Variants in TBC1D1 observed in about 807,000 individuals in gnomAD.
TBC1D1 encodes the protein TBC1 (tre-2/USP6, BUB2, cdc16) domain family, member 1.
TBC1D1 carries 89 observed loss-of-function variants against 125.6 expected under a neutral mutation model. That is an observed-to-expected ratio of 0.71 (90% CI 0.60 to 0.85). The LOEUF (loss-of-function observed/expected upper bound fraction) is 0.85, where lower values mean the gene tolerates loss of function less well. Among genes scored for constraint, TBC1D1 ranks in the 40% least tolerant of loss-of-function variants. The pLI, the probability that TBC1D1 is intolerant of heterozygous loss-of-function variation, is 0.00. For missense variants in TBC1D1, 1,377 were observed against 1,469.2 expected, an observed-to-expected ratio of 0.94 and a Z score of 1.03; for synonymous variants, 565 against 564.1, an observed-to-expected ratio of 1.00 and a Z score of -0.02.
rs373075493 is a variant in TBC1D1 at position 38,102,895 on chromosome 4, A to AG, written c.2399-102dup. The AG allele has an allele frequency of 8.3e-6, 11 of 1,317,762 alleles. No individual in the cohort carries two copies. In the African/African-American group the frequency reaches 1.2e-4, roughly 14 times the overall value. 81.6% of individuals were successfully genotyped at this position (1,317,762 alleles called of 1,614,324 possible). Reference sequence around the variant, plus strand: ...GACTCTGTCTCAAAAAAAAAAAAAAAGGAACAAGAATTTGGATAAATGGAA... The same window carrying AG: ...GACTCTGTCTCAAAAAAAAAAAAAAAGGGAACAAGAATTTGGATAAATGGAA... On this transcript the variant is annotated intron_variant, in intron 14 of 19. Transcript: ENST00000261439.
chr4:38,023,749 T>C (rs1205151965), intron 6 of TBC1D1, among the ~76,000 whole-genome samples: 1 of 152,258 alleles, frequency 6.6e-6, no homozygotes, highest in Non-Finnish European at 1.5e-5. Flanking sequence ...CCCTTTTGAC[T>C]GTTGTACTAA....
chr4:37,933,610 A>G (rs1180013579), intron 2 of TBC1D1, among the ~76,000 whole-genome samples: 1 of 152,246 alleles, frequency 6.6e-6, no homozygotes. Context: ...AATAGGTAAT[A>G]TATGTTAAGT....
chr4:38,135,702 C>T (rs186819530), intron 19 of TBC1D1, among the ~76,000 whole-genome samples: 1 of 152,306 alleles, frequency 6.6e-6, no homozygotes, highest in African/African-American at 2.4e-5. Context: ...GCCCAGTAGG[C>T]TGACAAACTA....
chr4:38,051,500 G>T (rs566919546), intron 11 of TBC1D1, among the ~76,000 whole-genome samples: 14 of 152,086 alleles, frequency 9.2e-5, no homozygotes, highest in Non-Finnish European at 1.8e-4. Context: ...GTTCCTGGGC[G>T]AAGTGGCTCA....
At position 38,072,194 on chromosome 4, in the gene TBC1D1, T is replaced by TAG. The variant is rs951054515; in HGVS notation, c.2051-17724_2051-17723dup. ...AAGCCCTCAGAAAACTATGTACACC[T>TAG]AGAGAGAGAGAGAGACACACGTCTG... On this transcript the variant is annotated intron_variant, in intron 12 of 19. Transcript: ENST00000261439. Among the ~76,000 whole-genome samples the TAG allele has an allele frequency of 8.0e-4, 122 of 151,620 alleles. 1 individual carries two copies. The highest frequency in any genetic ancestry group is 5.1e-3 in the Admixed American group (78 of 15,234).
At chr4:37,949,149 C>T (rs960911949) in intron 2 of TBC1D1, among the ~76,000 whole-genome samples, 11 of 152,162 alleles carry the variant, frequency 7.2e-5, no homozygotes, top group Non-Finnish European at 1.0e-4. Flanking sequence ...ATCACAGGCA[C>T]AGATACGATC....
At position 38,115,890 on chromosome 4, in the gene TBC1D1, T is replaced by C; in HGVS notation, c.2738T>C (p.Leu913Pro). The change falls in exon 16 of 20, where the codon CTC becomes CCC. Residue 913 changes from leucine to proline, a missense_variant. This residue lies in a region of TBC1D1 where 543 missense variants were observed against 613.5 expected (regional missense o/e 0.89). Transcript: ENST00000261439. ...AGTGAGGAAGAGGCGTTTAAAATGC[T>C]CAAGTTTCTGATGTTTGACATGGGG... 1 of 1,614,220 alleles carries C rather than the reference T, an allele frequency of 6.2e-7. No individual in the cohort carries two copies. The highest frequency in any genetic ancestry group is 8.5e-7 in the Non-Finnish European group (1 of 1,180,034).
chr4:37,901,899 T>C (rs2152225945), intron 1 of TBC1D1, 104 bp from the exon 2 acceptor site: 1 of 529,596 alleles, frequency 1.9e-6, no homozygotes, highest in East Asian at 3.1e-5. Context: ...CCTCTTATTA[T>C]ATTTGGGTTT....
At chr4:37,988,595 CTT>C (rs1220907160) in intron 2 of TBC1D1, among the ~76,000 whole-genome samples, 1 of 152,176 alleles carries the variant, frequency 6.6e-6, no homozygotes, top group Non-Finnish European at 1.5e-5. Context: ...TGGAGGAAGA[CTT>C]TTGTAGTTGC....
chr4:37,992,255 C>G (rs922995569), intron 2 of TBC1D1, among the ~76,000 whole-genome samples: 1 of 152,006 alleles, frequency 6.6e-6, no homozygotes, highest in Non-Finnish European at 1.5e-5. Flanking sequence ...CTGGCTGAAG[C>G]AAGTGTAGGC....
At chr4:37,903,339 C>T (rs1333553917) in intron 2 of TBC1D1, among the ~76,000 whole-genome samples, 2 of 152,164 alleles carry the variant, frequency 1.3e-5, no homozygotes, top group Non-Finnish European at 2.9e-5. Context: ...TGAGGATTAG[C>T]TTAGATAAAA....
intron 2 of TBC1D1, among the ~76,000 whole-genome samples, chr4:37,953,715 G>A (rs969324557): frequency 1.3e-5 from 2 of 152,214 alleles, no homozygotes; most frequent in Admixed American, 1.3e-4. Context: ...TCAAGGGAGG[G>A]ATAAACATGA....
chr4:38,088,361 TTC>T (rs1311408674), intron 12 of TBC1D1, among the ~76,000 whole-genome samples: 2 of 152,242 alleles, frequency 1.3e-5, no homozygotes, highest in African/African-American at 4.8e-5. Context: ...GCATTATTTT[TTC>T]TTAGTTTTTA....
At chr4:37,908,452 C>T (rs1465243862) in intron 2 of TBC1D1, among the ~76,000 whole-genome samples, 1 of 152,130 alleles carries the variant, frequency 6.6e-6, no homozygotes, top group Non-Finnish European at 1.5e-5. Flanking sequence ...GTGATCCGCC[C>T]GCTTCCACCT....
chr4:38,094,671 G>T (rs945825376), intron 13 of TBC1D1, among the ~76,000 whole-genome samples: 1 of 152,174 alleles, frequency 6.6e-6, no homozygotes, highest in Non-Finnish European at 1.5e-5. Context: ...GTCGACTACA[G>T]AGCAGGATGC....
chr4:37,919,114 A>G (rs1720365883), intron 2 of TBC1D1, among the ~76,000 whole-genome samples: 1 of 151,248 alleles, frequency 6.6e-6, no homozygotes. Flanking sequence ...GGAAATGTAC[A>G]GTTTGAAAAT....
At chr4:37,944,048 C>G (rs1726129006) in intron 2 of TBC1D1, among the ~76,000 whole-genome samples, 1 of 152,242 alleles carries the variant, frequency 6.6e-6, no homozygotes, top group African/African-American at 2.4e-5. Flanking sequence ...AGTTTTCCTT[C>G]TAACAGTCAG....
At chr4:37,920,019 AG>A (rs371613199) in intron 2 of TBC1D1, among the ~76,000 whole-genome samples, 39 of 152,184 alleles carry the variant, frequency 2.6e-4, no homozygotes, top group African/African-American at 9.4e-4. Context: ...AGGCTGAGGC[AG>A]GAGAATGGCG....
At chr4:38,119,769 A>T (rs375216394) in intron 17 of TBC1D1, among the ~76,000 whole-genome samples, 1 of 152,268 alleles carries the variant, frequency 6.6e-6, no homozygotes, top group East Asian at 1.9e-4. Context: ...GGGAGGAGGG[A>T]GCGCTGTTTG....
Sources: allele counts gnomAD v4.1 joint callset (sites outside exome capture counted in the v4.1 genomes callset), GRCh38; gene constraint gnomAD v4.1.1; regional missense constraint gnomAD v4.1.1; transcripts MANE v1.5; gene names NCBI Gene and HGNC (gene_info 2026-07-23, HGNC 2026-07-21).